Variants in IL1RL1 observed in about 807,000 individuals in gnomAD.
The protein encoded by IL1RL1 is interleukin 1 receptor like 1.
Under a neutral mutation model 50.9 loss-of-function variants are expected in IL1RL1, and 32 were observed. The ratio of observed to expected loss-of-function variants is 0.63; its 90% CI spans 0.47 to 0.84. The LOEUF (loss-of-function observed/expected upper bound fraction) is 0.84. Ranked by LOEUF, IL1RL1 falls within the 40% of genes least tolerant of loss-of-function variation. IL1RL1 has a pLI of 0.00. For missense variants in IL1RL1, 773 were observed against 662.9 expected, an observed-to-expected ratio of 1.17 and a Z score of -1.82; for synonymous variants, 275 against 236.0, an observed-to-expected ratio of 1.17 and a Z score of -1.51.
At chr2:102,317,190 T>C (rs1203159841) in intron 1 of IL1RL1, among the ~76,000 whole-genome samples, 1 of 151,854 alleles carries the variant, frequency 6.6e-6, no homozygotes, top group Non-Finnish European at 1.5e-5. Context: ...CCATCTCTAG[T>C]AAAAATACAA....
chr2:102,346,403 C>T lies in IL1RL1; in HGVS notation c.971-1542C>T, dbSNP rs567314728. Among the ~76,000 whole-genome samples, 31 of 152,312 alleles carry T rather than the reference C, an allele frequency of 2.0e-4. No individual in the cohort carries two copies. The Middle Eastern group carries it at 0.01, about 50-fold the overall frequency. ...AGGATTCAAACACAGCCAGCATTTT[C>T]CTAGCTATATGTGTATACAGAAAGT... On this transcript the variant is annotated intron_variant, in intron 8 of 10. Transcript: ENST00000233954.
At position 102,342,994 on chromosome 2, in the gene IL1RL1, C is replaced by T. The variant is rs1430992930; in HGVS notation, c.683-42C>T. On this transcript the variant is annotated intron_variant, in intron 6 of 10. Coordinates refer to ENST00000233954, the MANE Select transcript of IL1RL1 (RefSeq NM_016232.5). ...ATTAAATGGGATAAAATGCCAGTCG[C>T]AGAAGTTAATTTTATTGGTGAATGT... The T allele has an allele frequency of 3.8e-6, 6 of 1,590,160 alleles. No homozygotes were observed. In the East Asian group the frequency reaches 6.7e-5, roughly 18 times the overall value.
rs762157316 is a variant in IL1RL1, at chr2:102,347,969, T to C, written c.995T>C (p.Ile332Thr). 3.1e-5 allele frequency: 48 copies of C among 1,531,792 alleles called. No individual in the cohort carries two copies. The Admixed American group carries it at 5.2e-4, about 17-fold the overall frequency. The allele number at this position is 1,531,792 out of a possible 1,614,324, so 94.9% of individuals were successfully genotyped here. ...NPIDHHSIYCIIAVCSVFLML... is the reference protein window; with the variant it reads ...NPIDHHSIYCTIAVCSVFLML... ...GTTGATCATCATAGCATCTACTGCATAATTGCAGTATGTAGTGTATTTTTA... is the reference window on the plus strand; with the variant it reads ...GTTGATCATCATAGCATCTACTGCACAATTGCAGTATGTAGTGTATTTTTA... Residue 332 changes from isoleucine to threonine, a missense_variant, in exon 9 of 11, where the codon ATA (isoleucine) becomes ACA (threonine). Transcript: ENST00000233954.
intron 1 of IL1RL1, among the ~76,000 whole-genome samples, chr2:102,326,591 T>G (rs905801692): frequency 2.6e-5 from 4 of 152,068 alleles, no homozygotes; most frequent in Non-Finnish European, 4.4e-5. Context: ...CATCAGTGTG[T>G]TATATTCAGG....
At chr2:102,324,721 G>A (rs1676941355) in intron 1 of IL1RL1, among the ~76,000 whole-genome samples, 1 of 152,218 alleles carries the variant, frequency 6.6e-6, no homozygotes, top group Non-Finnish European at 1.5e-5. Flanking sequence ...ACCTGGCTTG[G>A]AGGGTCCTAC....
rs558481417 is a variant in IL1RL1, at chr2:102,328,329, T to A, written c.-149-9787T>A. The stretch of plus-strand genomic sequence containing the variant: ...AACCCTTCATGCTAAAAACTCTCAA[T>A]AAATTAGGTATTGATGGGACGTATC... On this transcript the variant is annotated intron_variant, in intron 1 of 10. Transcript: ENST00000233954. 5.5e-3 allele frequency among the ~76,000 whole-genome samples: 835 copies of A among 152,022 alleles called. 16 individuals carry two copies. The highest frequency in any genetic ancestry group is 0.019 in the African/African-American group (801 of 41,476).
chr2:102,336,267 G>A (rs752878488), intron 1 of IL1RL1, among the ~76,000 whole-genome samples: 3 of 152,192 alleles, frequency 2.0e-5, no homozygotes, highest in Non-Finnish European at 4.4e-5. Flanking sequence ...ACATGGGCAA[G>A]TTGCTTAATC....
At position 102,345,798 on chromosome 2, in the gene IL1RL1, G is replaced by T. The variant is rs1394459151; in HGVS notation, c.971-2147G>T. On this transcript the variant is annotated intron_variant, in intron 8 of 10. Transcript: ENST00000233954. ...GTGATAAGTGTGGCACCCCAGGAAGGCTGTGGACCCCATCAAGGTGCTATG... is the reference window on the plus strand; with the variant it reads ...GTGATAAGTGTGGCACCCCAGGAAGTCTGTGGACCCCATCAAGGTGCTATG... 1.0e-5 allele frequency: 10 copies of T among 985,334 alleles called. No homozygotes were observed. The African/African-American group carries it at 1.7e-4, about 17-fold the overall frequency. 61.0% of individuals were successfully genotyped at this position (985,334 alleles called of 1,614,324 possible). A position where few individuals can be genotyped will look rare whatever the true frequency, so the allele number is the denominator to read the frequency against.
intron 1 of IL1RL1, among the ~76,000 whole-genome samples, chr2:102,325,708 C>T (rs572140757): frequency 6.6e-6 from 1 of 152,322 alleles, no homozygotes; most frequent in South Asian, 2.1e-4. Context: ...GATGAATGCG[C>T]AAGCCTCAGT....
At chr2:102,326,758 G>A (rs2104970109) in intron 1 of IL1RL1, among the ~76,000 whole-genome samples, 1 of 152,198 alleles carries the variant, frequency 6.6e-6, no homozygotes, top group East Asian at 1.9e-4. Context: ...AGACACAGAA[G>A]GCCATTAAAT....
At chr2:102,342,511 G>T (rs569463331) in intron 6 of IL1RL1, among the ~76,000 whole-genome samples, 177 of 152,290 alleles carry the variant, frequency 1.2e-3, no homozygotes, top group African/African-American at 4.2e-3. Flanking sequence ...ATTGTACTTT[G>T]TAATTCATGA....
At chr2:102,340,421 T>A in intron 4 of IL1RL1, 149 bp downstream of exon 4, 1 of 714,170 alleles carries the variant, frequency 1.4e-6, no homozygotes, top group South Asian at 2.0e-5. Flanking sequence ...GAGACCAGCC[T>A]GGCCAACATG....
rs764221654 is a variant in IL1RL1 at position 102,351,875 on chromosome 2, C to T, written c.1625C>T (p.Pro542Leu). The T allele has an allele frequency of 5.3e-5, 86 of 1,613,590 alleles. No individual in the cohort carries two copies. Among genetic ancestry groups the T allele is most frequent in the Non-Finnish European group, 6.9e-5 (81 of 1,179,840 alleles). ...CAAATGCCTGTGCCAAGCAAAATTC[C>T]CAGAAAGGCCTCTAGTTTGACTCCC... ...RYQMPVPSKI[P>L]RKASSLTPLA... Residue 542 changes from proline to leucine, a missense_variant, in exon 11 of 11, where the codon CCC (proline) becomes CTC (leucine). Transcript: ENST00000233954.
At chr2:102,347,907 T>A in intron 8 of IL1RL1, 38 bp from the exon 9 acceptor site, 1 of 1,209,480 alleles carries the variant, frequency 8.3e-7, no homozygotes, top group Non-Finnish European at 1.2e-6. Flanking sequence ...ATATCTTGTT[T>A]CAGTAGTAAT....
chr2:102,347,996 T>C lies in IL1RL1; in HGVS notation c.1022T>C (p.Met341Thr), dbSNP rs1283733254. 4 of 1,576,928 alleles carry C rather than the reference T, an allele frequency of 2.5e-6. No homozygotes were observed. Among genetic ancestry groups the C allele is most frequent in the Non-Finnish European group, 3.5e-6 (4 of 1,146,140 alleles). The change falls in exon 9 of 11, where the codon ATG (methionine) becomes ACG (threonine). Residue 341 changes from methionine (M) to threonine (T), a missense_variant. By Grantham distance (81) the Met-to-Thr change is moderately conservative (BLOSUM62 -1). Coordinates refer to ENST00000233954, the MANE Select transcript of IL1RL1 (RefSeq NM_016232.5). Reference sequence around the variant, plus strand: ...ATTGCAGTATGTAGTGTATTTTTAATGCTAATCAATGTCCTGGTTATCATC... The same window carrying C: ...ATTGCAGTATGTAGTGTATTTTTAACGCTAATCAATGTCCTGGTTATCATC... ...CIIAVCSVFL[M>T]LINVLVIILK...
chr2:102,321,802 C>T (rs1321971779), intron 1 of IL1RL1, among the ~76,000 whole-genome samples: 2 of 152,084 alleles, frequency 1.3e-5, no homozygotes, highest in African/African-American at 4.8e-5. Flanking sequence ...CAATACATAG[C>T]AAATTTGAGA....
chr2:102,348,739 A>G (rs548393052), intron 9 of IL1RL1, among the ~76,000 whole-genome samples: 5 of 152,308 alleles, frequency 3.3e-5, no homozygotes, highest in Admixed American at 2.0e-4. Context: ...CCAGGGGAGT[A>G]TGGGGAAACC....
chr2:102,326,969 T>C (rs927334474), intron 1 of IL1RL1, among the ~76,000 whole-genome samples: 2 of 152,080 alleles, frequency 1.3e-5, no homozygotes, highest in Non-Finnish European at 2.9e-5. Context: ...AACAAGGATA[T>C]CCAGGAGTTG....
chr2:102,319,538 T>G (rs186050813), intron 1 of IL1RL1, among the ~76,000 whole-genome samples: 4 of 152,260 alleles, frequency 2.6e-5, no homozygotes, highest in Non-Finnish European at 5.9e-5. Context: ...ATGGGCTGTG[T>G]TTTTCAAACA....
Sources: gnomAD v4.1 joint callset for allele counts (sites outside exome capture counted in the v4.1 genomes callset) on GRCh38, gnomAD v4.1.1 for gene constraint, MANE v1.5 for transcripts, NCBI Gene and HGNC (gene_info 2026-07-23, HGNC 2026-07-21) for gene names.